The following CEP112 variants were observed in gnomAD, a reference collection of about 807,000 sequenced individuals.
CEP112 encodes the protein centrosomal protein 112.
Under a neutral mutation model 153.0 loss-of-function variants are expected in CEP112, and 127 were observed. The observed-to-expected ratio is 0.83, with a 90% confidence interval of 0.72 to 0.96. CEP112 has a LOEUF of 0.96. Among genes scored for constraint, CEP112 ranks in the 40% least tolerant of loss-of-function variants. The probability of loss-of-function intolerance (pLI) is 0.00; values close to 1 mark genes in which losing one functional copy is unlikely to be tolerated. For synonymous variants in CEP112, 358 were observed against 374.4 expected (o/e 0.96, Z 0.51); for missense variants, 1,089 against 1,101.2 (o/e 0.99, Z 0.16).
At chr17:65,687,563 G>A (rs2047876403) in intron 24 of CEP112, among the ~76,000 whole-genome samples, 1 of 152,056 alleles carries the variant, frequency 6.6e-6, no homozygotes, top group South Asian at 2.1e-4. Flanking sequence ...ATGTATATAT[G>A]TATATTTATG....
Position 65,689,191 on chromosome 17 carries a change from A to T in CEP112, c.2635T>A (p.Ser879Thr), listed in dbSNP as rs1212705483. The part of the protein sequence containing the change: ...KVLQDELENR[S>T]NQVRCAEKKL... ...TTCTCTGCACATCGCACCTGATTAG[A>T]ACGGTTTTCTAATTCATCTTGTAAA... Residue 879 changes from serine (S) to threonine (T), a missense_variant, in exon 24 of 27, where the codon TCT (serine) becomes ACT (threonine). Physicochemically the swap from Ser to Thr is moderately conservative, Grantham distance 58. Transcript: ENST00000535342. 2 of 1,613,382 alleles carry T rather than the reference A, an allele frequency of 1.2e-6. No individual in the cohort carries two copies. The highest frequency in any genetic ancestry group is 2.7e-5 in the African/African-American group (2 of 74,926).
chr17:66,077,240 T>G (rs2146137793), intron 8 of CEP112, among the ~76,000 whole-genome samples: 1 of 152,242 alleles, frequency 6.6e-6, no homozygotes, highest in Admixed American at 6.5e-5. Flanking sequence ...AGGAGGTTAC[T>G]TATTAAGCCA....
At position 66,096,284 on chromosome 17, in the gene CEP112, A is replaced by C; in HGVS notation, c.735T>G (p.Asp245Glu). 2 of 1,613,380 alleles carry C rather than the reference A, an allele frequency of 1.2e-6. No individual in the cohort carries two copies. Among genetic ancestry groups the C allele is most frequent in the Non-Finnish European group, 8.5e-7 (1 of 1,179,634 alleles). The change falls in exon 8 of 27, where the codon GAT (aspartate) becomes GAG (glutamate). Residue 245 changes from aspartate (D) to glutamate (E), a missense_variant. Asp to Glu is a conservative substitution (Grantham distance 45). Coordinates refer to ENST00000535342, the MANE Select transcript of CEP112 (RefSeq NM_001199165.4). ...FSLRKSSSFH[D>E]DHFLSRIREK... ...CACGTATTCGAGAGAGAAAATGATC[A>C]TCATGGAAACTGCTGGATTTTCTCA... is the stretch of plus-strand genomic sequence containing the variant.
intron 20 of CEP112, among the ~76,000 whole-genome samples, chr17:65,898,933 G>T (rs1374752202): frequency 1.3e-5 from 2 of 152,084 alleles, no homozygotes; most frequent in Admixed American, 1.3e-4. Flanking sequence ...TCTCTAAATG[G>T]TTCAGGGCCC....
intron 24 of CEP112, chr17:65,655,300 C>T (rs1479603094): frequency 6.8e-7 from 1 of 1,478,270 alleles, no homozygotes; most frequent in African/African-American, 1.4e-5. Flanking sequence ...GCGACCGCAG[C>T]CTCAGACACT....
chr17:65,651,777 TACA>T (rs2143625318), intron 24 of CEP112, among the ~76,000 whole-genome samples: 1 of 152,220 alleles, frequency 6.6e-6, no homozygotes, highest in East Asian at 1.9e-4. Context: ...CTCAGCTCAC[TACA>T]AACTCCACCT....
At chr17:65,885,369 G>T (rs2059239930) in intron 20 of CEP112, among the ~76,000 whole-genome samples, 1 of 152,040 alleles carries the variant, frequency 6.6e-6, no homozygotes, top group South Asian at 2.1e-4. Flanking sequence ...ACAGCAACAG[G>T]GCAAAGACGA....
At chr17:65,909,715 T>C (rs1385841244) in intron 19 of CEP112, among the ~76,000 whole-genome samples, 1 of 152,024 alleles carries the variant, frequency 6.6e-6, no homozygotes, top group Non-Finnish European at 1.5e-5. Flanking sequence ...TCACTGGCAG[T>C]GAACAAACAA....
intron 12 of CEP112, among the ~76,000 whole-genome samples, chr17:66,037,304 C>T (rs745672471): frequency 6.6e-6 from 1 of 151,932 alleles, no homozygotes; most frequent in African/African-American, 2.4e-5. Context: ...AACCAGAATG[C>T]TCTAAAAATA....
intron 17 of CEP112, among the ~76,000 whole-genome samples, chr17:65,977,599 C>G (rs1334499006): frequency 6.6e-6 from 1 of 152,086 alleles, no homozygotes; most frequent in Non-Finnish European, 1.5e-5. Context: ...ACATGGTGGG[C>G]AGCAGTCAGA....
At chr17:65,853,082 G>A (rs1360242819) in intron 20 of CEP112, among the ~76,000 whole-genome samples, 2 of 152,166 alleles carry the variant, frequency 1.3e-5, no homozygotes, top group Non-Finnish European at 2.9e-5. Flanking sequence ...TCCCAGGGTT[G>A]CCATAACAAA....
At chr17:66,023,406 G>A (rs1040725403) in intron 16 of CEP112, among the ~76,000 whole-genome samples, 2 of 152,058 alleles carry the variant, frequency 1.3e-5, no homozygotes, top group African/African-American at 4.8e-5. Flanking sequence ...GAAGAGATTG[G>A]GATCCGATCT....
At chr17:65,980,391 A>C (rs1342910003) in intron 17 of CEP112, among the ~76,000 whole-genome samples, 1 of 152,224 alleles carries the variant, frequency 6.6e-6, no homozygotes, top group Non-Finnish European at 1.5e-5. Flanking sequence ...CAAGTTTTTG[A>C]AGGATAGAAA....
chr17:66,185,768 T>C (rs2072908033), intron 1 of CEP112, among the ~76,000 whole-genome samples: 1 of 152,200 alleles, frequency 6.6e-6, no homozygotes, highest in Non-Finnish European at 1.5e-5. Flanking sequence ...ATTTATTCCA[T>C]TTACAAATTC....
chr17:66,014,505 C>T (rs1048558228), intron 16 of CEP112, among the ~76,000 whole-genome samples: 4 of 152,120 alleles, frequency 2.6e-5, no homozygotes, highest in Non-Finnish European at 2.9e-5. Flanking sequence ...CCCGGCCATG[C>T]CCCCCTGCAA....
chr17:65,852,070 T>A (rs1174525030), intron 20 of CEP112, 36 bp from the exon 21 acceptor site: 1 of 1,444,458 alleles, frequency 6.9e-7, no homozygotes, highest in South Asian at 1.3e-5. Context: ...GCAGAAGATA[T>A]CAATAGGGAA....
At chr17:65,969,150 C>G (rs546977626) in intron 17 of CEP112, among the ~76,000 whole-genome samples, 1 of 149,026 alleles carries the variant, frequency 6.7e-6, no homozygotes, top group African/African-American at 2.5e-5. Context: ...GGTGCGATCT[C>G]GGCTAACTAC....
At chr17:66,078,642 T>C (rs941491927) in intron 8 of CEP112, among the ~76,000 whole-genome samples, 1 of 152,196 alleles carries the variant, frequency 6.6e-6, no homozygotes, top group Non-Finnish European at 1.5e-5. Context: ...TTCATCATGC[T>C]CTTTGTTGCC....
At chr17:65,655,306 A>T (rs1226932519) in intron 24 of CEP112, 1 of 1,510,416 alleles carries the variant, frequency 6.6e-7, no homozygotes, top group African/African-American at 1.4e-5. Flanking sequence ...GCAGCCTCAG[A>T]CACTACAGCT....
Sources: gnomAD v4.1 joint callset for allele counts (sites outside exome capture counted in the v4.1 genomes callset) on GRCh38, gnomAD v4.1.1 for gene constraint, MANE v1.5 for transcripts, NCBI Gene and HGNC (gene_info 2026-07-23, HGNC 2026-07-21) for gene names.